TBL1Y: variants seen among roughly 807,000 people sequenced by gnomAD.
TBL1Y encodes F-box-like/WD repeat-containing protein TBL1Y.
Under a neutral mutation model 12.0 loss-of-function variants are expected in TBL1Y, and 15 were observed. That is an observed-to-expected ratio of 1.25 (90% CI 0.83 to 1.92). The LOEUF (loss-of-function observed/expected upper bound fraction) is 1.92, where lower values mean the gene tolerates loss of function less well. TBL1Y is among the 40% of genes most tolerant of loss of function. TBL1Y has a pLI of 0.00. For synonymous variants in TBL1Y, 53 were observed against 42.6 expected, an observed-to-expected ratio of 1.24 and a Z score of -0.95; for missense variants, 148 against 116.7, an observed-to-expected ratio of 1.27 and a Z score of -1.24.
intron 2 of TBL1Y, among the ~76,000 whole-genome samples, chrY:6,932,762 C>G (rs779720774): frequency 3.0e-5 from 1 of 33,160 alleles, no homozygotes; most frequent in East Asian, 8.0e-4. Context: ...CCTGAGCCAC[C>G]ATGCCAGGCC....
intron 3 of TBL1Y, among the ~76,000 whole-genome samples, chrY:6,993,041 G>C (rs895877639): frequency 9.0e-5 from 3 of 33,277 alleles, no homozygotes; most frequent in African/African-American, 3.5e-4. Flanking sequence ...GGAGCACAGT[G>C]ATACTCTATA....
chrY:6,972,668 C>T, intron 2 of TBL1Y, among the ~76,000 whole-genome samples: 3 of 33,358 alleles, frequency 9.0e-5, no homozygotes, highest in African/African-American at 3.5e-4. Context: ...GCTCAGTCTT[C>T]GATCCCTGGG....
chrY:6,997,184 G>C (rs2012416057), intron 4 of TBL1Y, among the ~76,000 whole-genome samples: 1 of 33,320 alleles, frequency 3.0e-5, no homozygotes, highest in African/African-American at 1.2e-4. Context: ...GGGAGGCCAG[G>C]GCAGGTGGAT....
At chrY:7,064,622 C>G (rs774409727) in intron 8 of TBL1Y, among the ~76,000 whole-genome samples, 223 of 33,664 alleles carry the variant, frequency 6.6e-3, no homozygotes, top group Non-Finnish European at 0.011. Flanking sequence ...AGGTAATTGC[C>G]AGCAAGTACA....
At chrY:7,053,737 A>G in intron 7 of TBL1Y, among the ~76,000 whole-genome samples, 1 of 34,097 alleles carries the variant, frequency 2.9e-5, no homozygotes, top group Admixed American at 2.7e-4. Flanking sequence ...CAGGGCAGTT[A>G]TAACTTCCCA....
intron 2 of TBL1Y, among the ~76,000 whole-genome samples, chrY:6,949,603 A>G: frequency 3.0e-5 from 1 of 33,651 alleles, no homozygotes; most frequent in Non-Finnish European, 7.4e-5. Flanking sequence ...TTTCTTGGCC[A>G]CAAAGATGTA....
At chrY:7,085,795 C>T in intron 14 of TBL1Y, 103 bp from the exon 15 acceptor site, 3 of 237,873 alleles carry the variant, frequency 1.3e-5, no homozygotes, top group South Asian at 1.1e-4. Flanking sequence ...GGCCTAAGAC[C>T]TTCTGCAGCG....
chrY:7,060,240 T>C (rs2012852019), intron 7 of TBL1Y, among the ~76,000 whole-genome samples: 1 of 33,738 alleles, frequency 3.0e-5, no homozygotes, highest in Admixed American at 2.7e-4. Context: ...ACTTTCCTTA[T>C]ACACTTTGCA....
chrY:7,017,043 G>A, intron 4 of TBL1Y, among the ~76,000 whole-genome samples: 2 of 33,198 alleles, frequency 6.0e-5, no homozygotes, highest in African/African-American at 2.4e-4. Flanking sequence ...GAAGCCCTGG[G>A]CCTGGTATGG....
At chrY:7,082,410 C>T in intron 14 of TBL1Y, among the ~76,000 whole-genome samples, 1 of 33,281 alleles carries the variant, frequency 3.0e-5, no homozygotes, top group Admixed American at 2.7e-4. Flanking sequence ...GATCTCTTAC[C>T]TTACTTCTGC....
At chrY:7,066,281 T>C in intron 8 of TBL1Y, among the ~76,000 whole-genome samples, 1 of 34,555 alleles carries the variant, frequency 2.9e-5, no homozygotes, top group Admixed American at 2.6e-4. Context: ...TCTCCACCAC[T>C]GTTATGTCTC....
intron 2 of TBL1Y, among the ~76,000 whole-genome samples, chrY:6,915,767 A>C: frequency 3.0e-5 from 1 of 33,500 alleles, no homozygotes; most frequent in Non-Finnish European, 7.4e-5. Context: ...GGACACTTCC[A>C]CTAGAACCTG....
intron 2 of TBL1Y, among the ~76,000 whole-genome samples, chrY:6,961,462 G>C: frequency 6.1e-5 from 2 of 32,963 alleles, no homozygotes; most frequent in African/African-American, 2.4e-4. Flanking sequence ...TTGCATCTCT[G>C]ATGGGTTCAT....
chrY:7,075,621 G>A, intron 13 of TBL1Y, among the ~76,000 whole-genome samples: 1 of 33,273 alleles, frequency 3.0e-5, no homozygotes, highest in African/African-American at 1.2e-4. Context: ...CTGCCCCCTG[G>A]CAACCCCACT....
chrY:7,046,243 A>G (rs774784224), intron 7 of TBL1Y, among the ~76,000 whole-genome samples: 697 of 33,111 alleles, frequency 0.021, no homozygotes, highest in Middle Eastern at 0.042. Context: ...TATTATGACT[A>G]TTGGGAGTAT....
intron 4 of TBL1Y, among the ~76,000 whole-genome samples, chrY:7,020,442 A>G (rs2012575958): frequency 3.1e-5 from 1 of 32,571 alleles, no homozygotes; most frequent in Non-Finnish European, 7.5e-5. Context: ...TTAGCCAGGC[A>G]TGGCAGCGGT....
At chrY:6,940,726 G>A (rs765055354) in intron 2 of TBL1Y, among the ~76,000 whole-genome samples, 1 of 32,950 alleles carries the variant, frequency 3.0e-5, no homozygotes, top group South Asian at 7.1e-4. Context: ...ACCTGTGTCA[G>A]CTGTGGATAA....
chrY:6,990,551 C>CT (rs1358150743), intron 3 of TBL1Y, among the ~76,000 whole-genome samples: 72 of 7,792 alleles, frequency 9.2e-3, no homozygotes, highest in African/African-American at 7.1e-3. Flanking sequence ...CTGGCCATTT[C>CT]TTTTTTTTTT....
intron 4 of TBL1Y, among the ~76,000 whole-genome samples, chrY:7,018,248 A>G: frequency 3.0e-5 from 1 of 33,757 alleles, no homozygotes; most frequent in South Asian, 6.7e-4. Flanking sequence ...TCTACGTATT[A>G]ACATTTGTGA....
Sources: gnomAD v4.1 joint callset for allele counts (sites outside exome capture counted in the v4.1 genomes callset) on GRCh38, gnomAD v4.1.1 for gene constraint, MANE v1.5 for transcripts, NCBI Gene and HGNC (gene_info 2026-07-23, HGNC 2026-07-21) for gene names.